PHC1: variants seen among roughly 807,000 people sequenced by gnomAD.
The protein encoded by PHC1 is polyhomeotic homolog 1.
Under a neutral mutation model 104.3 loss-of-function variants are expected in PHC1, and 12 were observed. The observed-to-expected ratio is 0.12, with a 90% CI of 0.07 to 0.19. The LOEUF is 0.19. Ranked by LOEUF, PHC1 falls within the 10% of genes least tolerant of loss-of-function variation. The pLI is 1.00. For missense variants in PHC1, 671 were observed against 1,200.0 expected, an observed-to-expected ratio of 0.56 and a Z score of 6.51; for synonymous variants, 302 against 455.8, an observed-to-expected ratio of 0.66 and a Z score of 4.30.
rs963335646 is a variant in PHC1 at position 8,933,488 on chromosome 12, G to T, written c.1893+138G>T. ...TGGTATTTATCTGCTTCTTCTGTAAGAGAGTGACACATTATATAATATCTG... is the reference window on the plus strand; with the variant it reads ...TGGTATTTATCTGCTTCTTCTGTAATAGAGTGACACATTATATAATATCTG... On this transcript the variant is annotated intron_variant, in intron 8 of 14. Transcript: ENST00000544916. The T allele has an allele frequency of 2.8e-6, 3 of 1,089,768 alleles. No individual in the cohort carries two copies. The East Asian group carries it at 7.8e-5, about 29-fold the overall frequency. The allele number at this position is 1,089,768 out of a possible 1,614,324, so 67.5% of individuals were successfully genotyped here.
At position 8,919,214 on chromosome 12, in the gene PHC1, C is replaced by T. The variant is rs1945288385; in HGVS notation, c.115-542C>T. On this transcript the variant is annotated intron_variant, in intron 2 of 14. Transcript: ENST00000544916. This position sits in a 1 kb window ranked among gnomAD's most constrained non-coding sequence, Gnocchi z 4.9. ...AGTTGGGATTACAGGCGCCCACCACCACGCCCAGCTAATTTTTTGTATTTT... is the reference window on the plus strand; with the variant it reads ...AGTTGGGATTACAGGCGCCCACCACTACGCCCAGCTAATTTTTTGTATTTT... Among the ~76,000 whole-genome samples, 1 of 152,188 alleles carries T rather than the reference C, an allele frequency of 6.6e-6. No individual in the cohort carries two copies. Among genetic ancestry groups the T allele is most frequent in the Non-Finnish European group, 1.5e-5 (1 of 68,054 alleles).
chr12:8,928,572 T>G (rs1000981605), intron 6 of PHC1, among the ~76,000 whole-genome samples: 1 of 152,162 alleles, frequency 6.6e-6, no homozygotes, highest in African/African-American at 2.4e-5. Flanking sequence ...TTTTATTGCA[T>G]CTCTCTATGT....
At chr12:8,938,357 A>G (rs1324556286) in intron 14 of PHC1, among the ~76,000 whole-genome samples, 2 of 152,158 alleles carry the variant, frequency 1.3e-5, no homozygotes, top group Non-Finnish European at 2.9e-5. Flanking sequence ...CCATGGGGAA[A>G]AAATTTTTTT....
chr12:8,936,679 G>A (rs763003555), intron 11 of PHC1, among the ~76,000 whole-genome samples, 177 bp from the exon 12 acceptor site: 3 of 152,134 alleles, frequency 2.0e-5, no homozygotes, highest in Non-Finnish European at 4.4e-5. Context: ...GTTCTCAAGG[G>A]ACAAGTCTTC....
intron 6 of PHC1, among the ~76,000 whole-genome samples, chr12:8,923,147 TG>T: frequency 6.6e-6 from 1 of 152,328 alleles, no homozygotes; most frequent in Middle Eastern, 3.4e-3. Flanking sequence ...AGAATTCTTC[TG>T]TTAGTTAGAT....
chr12:8,931,623 C>G (rs772129324), intron 7 of PHC1, among the ~76,000 whole-genome samples: 2 of 152,148 alleles, frequency 1.3e-5, no homozygotes, highest in African/African-American at 2.4e-5. Context: ...TAGCTTGAAC[C>G]CGGTTGGCAG....
intron 6 of PHC1, 23 bp from the exon 7 acceptor site, chr12:8,930,412 A>G (rs375983431): frequency 6.8e-5 from 109 of 1,600,604 alleles, no homozygotes; most frequent in African/African-American, 4.2e-4. Flanking sequence ...CCTTTTCTCA[A>G]TCTGTTTTTT....
intron 13 of PHC1, 77 bp downstream of exon 13, chr12:8,937,403 C>T (rs1228515809): frequency 6.8e-6 from 9 of 1,325,934 alleles, no homozygotes; most frequent in Non-Finnish European, 9.2e-6. Context: ...TTCATTTGCC[C>T]AGGTAAGAGG....
chr12:8,934,233 C>T (rs1429979898), intron 9 of PHC1, 34 bp from the exon 10 acceptor site: 2 of 1,530,848 alleles, frequency 1.3e-6, no homozygotes, highest in African/African-American at 2.7e-5. Flanking sequence ...TATGTCATCT[C>T]ATGTCTGTTG....
chr12:8,931,785 T>A (rs1945693149), intron 7 of PHC1, among the ~76,000 whole-genome samples: 1 of 152,232 alleles, frequency 6.6e-6, no homozygotes, highest in African/African-American at 2.4e-5. Context: ...TTTTTTTGTT[T>A]CTAGTACCTT....
intron 6 of PHC1, among the ~76,000 whole-genome samples, chr12:8,927,020 C>G (rs775870598): frequency 6.6e-6 from 1 of 152,186 alleles, no homozygotes; most frequent in East Asian, 1.9e-4. Flanking sequence ...AGTTCAAGGT[C>G]GACAGAGGGT....
intron 6 of PHC1, among the ~76,000 whole-genome samples, chr12:8,926,619 T>TAA (rs746508813): frequency 0.019 from 2,349 of 126,480 alleles, 71 homozygotes; most frequent in African/African-American, 0.067. Context: ...GACTCCATCT[T>TAA]AAAAAAAAAG....
chr12:8,928,779 TAAGG>T (rs1945600918), intron 6 of PHC1, among the ~76,000 whole-genome samples: 1 of 152,250 alleles, frequency 6.6e-6, no homozygotes, highest in South Asian at 2.1e-4. Context: ...TTGAAATGTG[TAAGG>T]TACTCGTGCT....
chr12:8,939,699 T>A lies in PHC1; in HGVS notation c.*240T>A. The A allele has an allele frequency of 2.2e-6, 1 of 444,508 alleles. No individual in the cohort carries two copies. 27.5% of individuals were successfully genotyped at this position (444,508 alleles called of 1,614,324 possible). On this transcript the variant is annotated 3_prime_UTR_variant, in exon 15 of 15. Transcript: ENST00000544916. ...TAAAATCTTTACAGTTCTCACCATT[T>A]CACGTACCTTAATCCAATCTTTATA...
intron 5 of PHC1, 138 bp downstream of exon 5, chr12:8,921,888 A>G (rs2137069636): frequency 1.3e-6 from 1 of 774,240 alleles, no homozygotes; most frequent in South Asian, 2.0e-5. Context: ...ATAATGGCTC[A>G]CTGCAGCCTC....
At chr12:8,921,898 C>T in intron 5 of PHC1, 148 bp downstream of exon 5, 3 of 721,578 alleles carry the variant, frequency 4.2e-6, no homozygotes, top group East Asian at 5.9e-5. Flanking sequence ...ACTGCAGCCT[C>T]TGCCTCCCAG....
At chr12:8,929,761 C>T (rs774298264) in intron 6 of PHC1, among the ~76,000 whole-genome samples, 1 of 152,270 alleles carries the variant, frequency 6.6e-6, no homozygotes, top group Admixed American at 6.5e-5. Flanking sequence ...CTCAAGCAGT[C>T]TGTCCGTCTT....
At chr12:8,931,207 CTCTG>C (rs1157781396) in intron 7 of PHC1, among the ~76,000 whole-genome samples, 1 of 152,182 alleles carries the variant, frequency 6.6e-6, no homozygotes, top group Non-Finnish European at 1.5e-5. Flanking sequence ...AGTTTTATCA[CTCTG>C]TCTATTCATT....
chr12:8,930,680 G>A lies in PHC1; in HGVS notation c.858G>A (p.Gln286=). The change falls in exon 7 of 15, where the codon CAG becomes CAA. Residue 286 remains glutamine (Q), a synonymous_variant. Transcript: ENST00000544916. ...CCATGGGTCCAGGTGGAGGTGGGCA[G>A]GCACATGGTGGTTTGGGTCAGTTGC... is the stretch of plus-strand genomic sequence containing the variant. ...PGSMGPGGGG[Q]AHGGLGQLPS... is the part of the protein sequence containing the mutation. The A allele has an allele frequency of 7.4e-7, 1 of 1,358,416 alleles. No individual in the cohort carries two copies. Among genetic ancestry groups the A allele is most frequent in the South Asian group, 1.4e-5 (1 of 72,302 alleles). The allele number at this position is 1,358,416 out of a possible 1,614,324, so 84.1% of individuals were successfully genotyped here.
Sources: allele counts gnomAD v4.1 joint callset (sites outside exome capture counted in the v4.1 genomes callset), GRCh38; gene constraint gnomAD v4.1.1; non-coding constraint Gnocchi (gnomAD v3.1); transcripts MANE v1.5; gene names NCBI Gene and HGNC (gene_info 2026-07-23, HGNC 2026-07-21).